RBPMS: variants seen among roughly 807,000 people sequenced by gnomAD.
RBPMS encodes the protein RNA-binding protein with multiple splicing.
In RBPMS, 7 loss-of-function variants were observed where a neutral mutation model predicts 26.8. The ratio of observed to expected loss-of-function variants is 0.26; its 90% CI spans 0.15 to 0.49. RBPMS has a LOEUF of 0.49. RBPMS is among the 20% of genes least tolerant of loss of function. The pLI is 0.98. For missense variants in RBPMS, 186 were observed against 250.0 expected (o/e 0.74, Z 1.73); for synonymous variants, 96 against 93.3 (o/e 1.03, Z -0.17).
At chr8:30,467,916 G>T (rs972852313) in intron 1 of RBPMS, among the ~76,000 whole-genome samples, 3 of 151,880 alleles carry the variant, frequency 2.0e-5, no homozygotes, top group African/African-American at 7.3e-5. Context: ...TAAAATGAAG[G>T]TTATCTATAA....
chr8:30,558,003 T>C (rs1172152870), intron 6 of RBPMS, among the ~76,000 whole-genome samples: 1 of 152,194 alleles, frequency 6.6e-6, no homozygotes, highest in African/African-American at 2.4e-5. Flanking sequence ...CAGCTGGGAT[T>C]ACAGGCATGC....
chr8:30,527,169 A>G (rs1823677341), intron 5 of RBPMS, among the ~76,000 whole-genome samples: 1 of 152,198 alleles, frequency 6.6e-6, no homozygotes, highest in Non-Finnish European at 1.5e-5. Flanking sequence ...GAGAAAAATC[A>G]CTTTCTGGCA....
intron 1 of RBPMS, among the ~76,000 whole-genome samples, chr8:30,432,778 C>T (rs1812071339): frequency 4.6e-5 from 7 of 151,152 alleles, no homozygotes; most frequent in Admixed American, 4.6e-4. Flanking sequence ...TTATTGTTGA[C>T]CACCTTGTTC....
Position 30,385,178 on chromosome 8 carries a change from G to C in RBPMS, c.66+20G>C. 6.8e-7 allele frequency: 1 copy of C among 1,461,998 alleles called. No individual in the cohort carries two copies. The highest frequency in any genetic ancestry group is 9.1e-7 in the Non-Finnish European group (1 of 1,102,906). The allele number at this position is 1,461,998 out of a possible 1,614,324, so 90.6% of individuals were successfully genotyped here. On this transcript the variant is annotated intron_variant, in intron 1 of 8. Transcript: ENST00000397323. ...GAGGAGGTACTGGGCGGCTCGGTGT[G>C]GTGGCGGGGGCGACGCGGGACCCAG...
rs1554547996 is a variant in RBPMS at position 30,562,327 on chromosome 8, G to GGA, written c.*7+3371_*7+3372insGA. ...GCCTGGGCGACAGAGCAAGACTGTC[G>GGA]AAAAAAAAAAAAAAAAAGAGTATGT... On this transcript the variant is annotated intron_variant, in intron 7 of 8. Coordinates refer to ENST00000397323, the MANE Select transcript of RBPMS (RefSeq NM_001008710.3). 1.5e-3 allele frequency among the ~76,000 whole-genome samples: 151 copies of GGA among 103,380 alleles called. 1 individual carries two copies. Among genetic ancestry groups the GGA allele is most frequent in the African/African-American group, 5.7e-3 (141 of 24,590 alleles). 67.8% of individuals were successfully genotyped at this position (103,380 alleles called of 152,430 possible). A position where few individuals can be genotyped will look rare whatever the true frequency, so the allele number is the denominator to read the frequency against.
At chr8:30,474,094 AAAC>A (rs140129097) in intron 1 of RBPMS, among the ~76,000 whole-genome samples, 5 of 151,692 alleles carry the variant, frequency 3.3e-5, no homozygotes, top group South Asian at 2.1e-4. Context: ...AAAATTTAAA[AAAC>A]AACAACAACA....
At chr8:30,446,842 TGC>T (rs10544192) in intron 1 of RBPMS, 5,881 of 64,990 alleles carry the variant, frequency 0.09, 232 homozygotes, top group Middle Eastern at 0.12. Context: ...TGTGTGTGTG[TGC>T]GCGCGCGCGC....
intron 1 of RBPMS, among the ~76,000 whole-genome samples, chr8:30,468,150 T>G (rs141747486): frequency 4.9e-4 from 74 of 152,304 alleles, no homozygotes; most frequent in African/African-American, 1.7e-3. Context: ...AATATACAGG[T>G]TAATGAGTTT....
chr8:30,455,946 A>G (rs866656965), intron 1 of RBPMS, among the ~76,000 whole-genome samples: 1 of 152,174 alleles, frequency 6.6e-6, no homozygotes, highest in Non-Finnish European at 1.5e-5. Flanking sequence ...GGAATAAGCA[A>G]TGTGTGGTAT....
chr8:30,417,584 C>T (rs1448014113), intron 1 of RBPMS, among the ~76,000 whole-genome samples: 5 of 152,070 alleles, frequency 3.3e-5, no homozygotes, highest in East Asian at 3.8e-4. Flanking sequence ...ATGTACATTC[C>T]CCCTCAATTT....
intron 6 of RBPMS, among the ~76,000 whole-genome samples, chr8:30,548,344 T>C (rs1826026826): frequency 7.6e-6 from 1 of 131,134 alleles, no homozygotes; most frequent in African/African-American, 3.1e-5. Flanking sequence ...TAAAGTATAC[T>C]GTCCTTACCA....
intron 4 of RBPMS, among the ~76,000 whole-genome samples, chr8:30,488,108 G>T (rs1290910644): frequency 3.3e-5 from 5 of 151,888 alleles, no homozygotes; most frequent in Non-Finnish European, 7.4e-5. Context: ...TTTAAATCTG[G>T]TTTCTCCTTT....
chr8:30,441,638 A>G (rs1460276230), intron 1 of RBPMS, among the ~76,000 whole-genome samples: 1 of 151,944 alleles, frequency 6.6e-6, no homozygotes, highest in African/African-American at 2.4e-5. Flanking sequence ...CATACTGCCT[A>G]ACTTCCTCTG....
At chr8:30,415,528 T>G (rs968809836) in intron 1 of RBPMS, among the ~76,000 whole-genome samples, 1 of 152,230 alleles carries the variant, frequency 6.6e-6, no homozygotes, top group African/African-American at 2.4e-5. Flanking sequence ...CTTCATTCAC[T>G]TCTGATAATG....
chr8:30,570,289 T>G (rs918856941), intron 8 of RBPMS, among the ~76,000 whole-genome samples: 1 of 152,186 alleles, frequency 6.6e-6, no homozygotes, highest in Non-Finnish European at 1.5e-5. Context: ...CTGAGCTGAT[T>G]GATTGCCTTC....
At chr8:30,450,689 C>T (rs1404885919) in intron 1 of RBPMS, among the ~76,000 whole-genome samples, 1 of 144,320 alleles carries the variant, frequency 6.9e-6, no homozygotes, top group Non-Finnish European at 1.5e-5. Flanking sequence ...GCTGTGAAAA[C>T]ATAATTGGAG....
chr8:30,450,461 G>A (rs1044444952), intron 1 of RBPMS, among the ~76,000 whole-genome samples: 10 of 152,126 alleles, frequency 6.6e-5, no homozygotes, highest in Admixed American at 4.6e-4. Flanking sequence ...ACTTTGAGGA[G>A]GAGGTGGGAA....
chr8:30,570,047 CAGAT>C (rs1165726387), intron 8 of RBPMS, among the ~76,000 whole-genome samples: 6 of 152,196 alleles, frequency 3.9e-5, no homozygotes, highest in Non-Finnish European at 8.8e-5. Flanking sequence ...AGTCACAGGT[CAGAT>C]ACAAATTGGA....
intron 3 of RBPMS, among the ~76,000 whole-genome samples, chr8:30,478,748 T>G (rs1033069564): frequency 3.9e-5 from 6 of 152,194 alleles, no homozygotes; most frequent in Non-Finnish European, 1.5e-5. Context: ...TCCGCCCACC[T>G]TGGCCTCCCA....
Sources: gnomAD v4.1 joint callset for allele counts (sites outside exome capture counted in the v4.1 genomes callset) on GRCh38, gnomAD v4.1.1 for gene constraint, MANE v1.5 for transcripts, NCBI Gene and HGNC (gene_info 2026-07-23, HGNC 2026-07-21) for gene names.